CSMD3: variants seen among roughly 807,000 people sequenced by gnomAD.
CSMD3 encodes CUB and sushi domain-containing protein 3.
A neutral mutation model predicts 435.2 loss-of-function variants in CSMD3; 177 were observed. That is an observed-to-expected ratio of 0.41 (90% confidence interval 0.36 to 0.46). The LOEUF (loss-of-function observed/expected upper bound fraction) is 0.46, where lower values mean the gene tolerates loss of function less well. Among genes scored for constraint, CSMD3 ranks in the 20% least tolerant of loss-of-function variants. CSMD3 has a pLI of 0.34. For synonymous variants in CSMD3, 1,656 were observed against 1,520.5 expected, an observed-to-expected ratio of 1.09 and a Z score of -2.07; for missense variants, 4,265 against 4,504.6, an observed-to-expected ratio of 0.95 and a Z score of 1.52.
rs959218869 is a variant in CSMD3, at chr8:112,419,752, G to T, written c.5396-10720C>A. 4.6e-5 allele frequency among the ~76,000 whole-genome samples: 7 copies of T among 152,206 alleles called. No individual in the cohort carries two copies. In the East Asian group the frequency reaches 1.2e-3, roughly 25 times the overall value. On this transcript the variant is annotated intron_variant, in intron 32 of 70. Transcript: ENST00000297405. ...AAAAACCATCTTATAAGCAAATATA[G>T]TTTAATTTTCTTTAATTGTTCCAGG...
chr8:113,218,823 A>T (rs2092935312), intron 3 of CSMD3, among the ~76,000 whole-genome samples: 2 of 151,224 alleles, frequency 1.3e-5, no homozygotes, highest in African/African-American at 2.4e-5. Flanking sequence ...TCAGATTTGG[A>T]AACATTTGCA....
At chr8:113,008,438 C>T (rs1016451776) in intron 6 of CSMD3, among the ~76,000 whole-genome samples, 3 of 151,770 alleles carry the variant, frequency 2.0e-5, no homozygotes, top group African/African-American at 7.3e-5. Context: ...GGCTGCTCAC[C>T]TTATCTGTTA....
chr8:113,369,241 TA>T (rs1174463232), intron 1 of CSMD3, among the ~76,000 whole-genome samples: 1 of 151,972 alleles, frequency 6.6e-6, no homozygotes, highest in Non-Finnish European at 1.5e-5. Context: ...GTGATGATAA[TA>T]ATAATAAAAT....
At chr8:113,217,139 G>T (rs1196544914) in intron 3 of CSMD3, among the ~76,000 whole-genome samples, 6 of 151,568 alleles carry the variant, frequency 4.0e-5, no homozygotes, top group Non-Finnish European at 7.4e-5. Context: ...GAAATAAAGA[G>T]AAAAGAAAAA....
chr8:113,108,156 A>G (rs58163416), intron 4 of CSMD3, among the ~76,000 whole-genome samples: 102,284 of 151,970 alleles, frequency 0.67, 36,017 homozygotes, highest in East Asian at 0.95. Context: ...GAGGCTGGGG[A>G]TGGTGGCTCA....
chr8:112,460,812 C>A (rs73702878), intron 32 of CSMD3, among the ~76,000 whole-genome samples: 2,672 of 152,028 alleles, frequency 0.018, 81 homozygotes, highest in African/African-American at 0.061. Flanking sequence ...AATCTCTGTT[C>A]GAGTTTCTGC....
chr8:113,068,966 T>C (rs1221098962), intron 5 of CSMD3, among the ~76,000 whole-genome samples: 1 of 151,964 alleles, frequency 6.6e-6, no homozygotes, highest in Admixed American at 6.6e-5. Context: ...TAATTCTGTA[T>C]AAGGATAAAC....
intron 12 of CSMD3, among the ~76,000 whole-genome samples, chr8:112,801,625 A>G (rs1371279948): frequency 6.6e-6 from 1 of 152,026 alleles, no homozygotes; most frequent in Admixed American, 6.6e-5. Context: ...TATACACATA[A>G]TCATTTGAAA....
intron 7 of CSMD3, among the ~76,000 whole-genome samples, chr8:112,967,440 A>G (rs2084464364): frequency 3.3e-5 from 5 of 151,824 alleles, no homozygotes; most frequent in Admixed American, 3.3e-4. Flanking sequence ...TGAGTACAAG[A>G]ATTAGTAGGT....
intron 68 of CSMD3, 29 bp downstream of exon 68, chr8:112,234,336 G>A (rs2129939904): frequency 7.3e-7 from 1 of 1,379,254 alleles, no homozygotes. Flanking sequence ...ATTAAAATCA[G>A]CAGCAGATGT....
intron 32 of CSMD3, among the ~76,000 whole-genome samples, chr8:112,450,525 A>G (rs1178968755): frequency 2.6e-5 from 4 of 152,190 alleles, no homozygotes; most frequent in Admixed American, 1.3e-4. Flanking sequence ...TGATTCATAC[A>G]TCAGTATCTT....
At chr8:112,794,285 C>CTTTTTTTTTTTTTTTTTTTTTTTT (rs1203991072) in intron 13 of CSMD3, among the ~76,000 whole-genome samples, 5 of 96,302 alleles carry the variant, frequency 5.2e-5, no homozygotes, top group African/African-American at 3.9e-5. Flanking sequence ...GACTGATAAA[C>CTTTTTTTTTTTTTTTTTTTTTTTT]TTTTTTTTTT....
chr8:112,393,456 G>A (rs1171689585), intron 35 of CSMD3, among the ~76,000 whole-genome samples: 3 of 152,098 alleles, frequency 2.0e-5, no homozygotes, highest in Non-Finnish European at 4.4e-5. Context: ...AGCACCAAAT[G>A]TTTTCCTGTA....
intron 32 of CSMD3, among the ~76,000 whole-genome samples, chr8:112,416,326 C>T (rs1022730557): frequency 1.2e-4 from 19 of 152,128 alleles, no homozygotes; most frequent in African/African-American, 4.1e-4. Context: ...AAGAAAGTGC[C>T]TGCTTCTCCT....
intron 4 of CSMD3, among the ~76,000 whole-genome samples, chr8:113,168,477 T>C (rs1362641785): frequency 3.4e-5 from 4 of 118,286 alleles, no homozygotes; most frequent in South Asian, 2.9e-4. Flanking sequence ...GCCGGGATCG[T>C]GCCACTGCAC....
At chr8:112,939,577 C>A (rs550278976) in intron 9 of CSMD3, among the ~76,000 whole-genome samples, 89 of 152,042 alleles carry the variant, frequency 5.9e-4, no homozygotes, top group African/African-American at 2.1e-3. Flanking sequence ...CCAAATCCCA[C>A]GCTTTTACAG....
intron 10 of CSMD3, among the ~76,000 whole-genome samples, chr8:112,904,663 G>A (rs1331622148): frequency 6.6e-6 from 1 of 151,276 alleles, no homozygotes; most frequent in African/African-American, 2.4e-5. Flanking sequence ...GATCAATGAT[G>A]CCACCTCGGT....
intron 32 of CSMD3, among the ~76,000 whole-genome samples, chr8:112,446,602 A>G (rs1815632395): frequency 6.6e-6 from 1 of 152,234 alleles, no homozygotes; most frequent in Non-Finnish European, 1.5e-5. Context: ...TGAAGGCTTC[A>G]GAATGAAATA....
intron 5 of CSMD3, among the ~76,000 whole-genome samples, chr8:113,074,942 T>C (rs2089277815): frequency 6.6e-6 from 1 of 151,864 alleles, no homozygotes; most frequent in African/African-American, 2.4e-5. Context: ...TCAAAAAGTA[T>C]GTTAAATATT....
Sources: allele counts gnomAD v4.1 joint callset (sites outside exome capture counted in the v4.1 genomes callset), GRCh38; gene constraint gnomAD v4.1.1; transcripts MANE v1.5; gene names NCBI Gene and HGNC (gene_info 2026-07-23, HGNC 2026-07-21).